Variants in PTCHD4 observed in about 807,000 individuals in gnomAD.
The protein encoded by PTCHD4 is patched domain containing 4, also known as patched domain-containing protein 4.
PTCHD4 carries 33 observed loss-of-function variants against 58.1 expected under a neutral mutation model. That is an observed-to-expected ratio of 0.57 (90% CI 0.43 to 0.76). PTCHD4 has a LOEUF of 0.76. PTCHD4 is among the 30% of genes least tolerant of loss of function. The probability of loss-of-function intolerance (pLI) is 0.00; values close to 1 mark genes in which losing one functional copy is unlikely to be tolerated. For synonymous variants in PTCHD4, 478 were observed against 409.6 expected (o/e 1.17, Z -2.02); for missense variants, 1,058 against 1,027.1 (o/e 1.03, Z -0.41).
chr6:47,914,644 T>G (rs887092240), intron 4 of PTCHD4, among the ~76,000 whole-genome samples: 3 of 149,394 alleles, frequency 2.0e-5, no homozygotes, highest in African/African-American at 7.3e-5. Context: ...TTATTATAAT[T>G]AAAATATATA....
At chr6:47,890,511 C>A (rs576230120) in intron 4 of PTCHD4, among the ~76,000 whole-genome samples, 7 of 152,196 alleles carry the variant, frequency 4.6e-5, no homozygotes, top group African/African-American at 1.7e-4. Context: ...TGAGATGTAC[C>A]TCATGGGATT....
intron 3 of PTCHD4, among the ~76,000 whole-genome samples, chr6:48,050,455 C>A (rs539754300): frequency 1.3e-5 from 2 of 151,942 alleles, no homozygotes; most frequent in Admixed American, 1.3e-4. Context: ...CTGGTCAATG[C>A]TTTAGGAATG....
At position 47,907,248 on chromosome 6, in the gene PTCHD4, C is replaced by G. The variant is rs558663370; in HGVS notation, c.899-27312G>C. Among the ~76,000 whole-genome samples, 85 of 152,214 alleles carry G rather than the reference C, an allele frequency of 5.6e-4. 2 individuals are homozygous for G. The South Asian group carries it at 0.017, about 30-fold the overall frequency. ...AGTAAAATTTCCTGAGATTCTGCAG[C>G]CAAATGGTCTTGGTATTATTTTACA... On this transcript the variant is annotated intron_variant, in intron 4 of 4. Coordinates refer to ENST00000339488, the MANE Select transcript of PTCHD4 (RefSeq NM_001384253.1).
At chr6:47,880,449 A>G (rs984890224) in intron 4 of PTCHD4, among the ~76,000 whole-genome samples, 3 of 152,168 alleles carry the variant, frequency 2.0e-5, no homozygotes, top group Non-Finnish European at 4.4e-5. Flanking sequence ...TGATTTTATA[A>G]TGTTGATAAT....
intron 3 of PTCHD4, among the ~76,000 whole-genome samples, chr6:48,064,199 A>G (rs1429083264): frequency 1.3e-5 from 2 of 152,138 alleles, no homozygotes; most frequent in African/African-American, 4.8e-5. Flanking sequence ...AATCAAACCC[A>G]TATCGAAGGA....
chr6:48,016,575 C>A (rs1479783311), intron 3 of PTCHD4, among the ~76,000 whole-genome samples: 1 of 151,844 alleles, frequency 6.6e-6, no homozygotes, highest in Non-Finnish European at 1.5e-5. Context: ...ATGATGCTAT[C>A]TCACGGCCAT....
Position 47,859,767 on chromosome 6 carries a change from C to G in PTCHD4, c.*18536G>C, listed in dbSNP as rs189677790. On this transcript the variant is annotated 3_prime_UTR_variant, in exon 5 of 5. Coordinates refer to ENST00000339488, the MANE Select transcript of PTCHD4 (RefSeq NM_001384253.1). ...TTCATGAGATTGTCAGGAAAGGCCT[C>G]TCTAATGCATACTTATTTAATATTT... Among the ~76,000 whole-genome samples, 36 of 152,096 alleles carry G rather than the reference C, an allele frequency of 2.4e-4. No individual in the cohort carries two copies. The highest frequency in any genetic ancestry group is 1.0e-3 in the Admixed American group (16 of 15,250).
chr6:47,922,938 A>G (rs1247418287), intron 4 of PTCHD4, among the ~76,000 whole-genome samples: 1 of 152,112 alleles, frequency 6.6e-6, no homozygotes, highest in African/African-American at 2.4e-5. Context: ...TGTTTTTGGT[A>G]GCTTCTACTG....
At chr6:47,936,198 C>T (rs1177176657) in intron 4 of PTCHD4, among the ~76,000 whole-genome samples, 1 of 152,134 alleles carries the variant, frequency 6.6e-6, no homozygotes, top group Non-Finnish European at 1.5e-5. Context: ...AAGATGGTGG[C>T]TTGGACTAGG....
At chr6:47,887,749 G>A (rs1357840150) in intron 4 of PTCHD4, among the ~76,000 whole-genome samples, 1 of 152,144 alleles carries the variant, frequency 6.6e-6, no homozygotes, top group Non-Finnish European at 1.5e-5. Flanking sequence ...GATGATCAGT[G>A]TGTATTTGTA....
chr6:47,920,964 C>A (rs9381631), intron 4 of PTCHD4, among the ~76,000 whole-genome samples: 6 of 152,024 alleles, frequency 3.9e-5, no homozygotes, highest in African/African-American at 1.2e-4. Flanking sequence ...TCATTCCATT[C>A]ACCACACTGT....
chr6:48,026,562 C>T (rs1055358927), intron 3 of PTCHD4, among the ~76,000 whole-genome samples: 5 of 152,090 alleles, frequency 3.3e-5, no homozygotes, highest in Admixed American at 1.3e-4. Context: ...TATTCCTTTG[C>T]CAATTCCTGC....
intron 3 of PTCHD4, among the ~76,000 whole-genome samples, chr6:48,049,213 G>C (rs752518992): frequency 2.6e-5 from 4 of 151,858 alleles, no homozygotes; most frequent in African/African-American, 4.8e-5. Context: ...CTAGCATCTA[G>C]AGGGTGGAGG....
chr6:48,070,056 G>A (rs1319015920), intron 1 of PTCHD4, among the ~76,000 whole-genome samples, 130 bp from the exon 2 acceptor site: 2 of 152,020 alleles, frequency 1.3e-5, no homozygotes, highest in Non-Finnish European at 2.9e-5. Context: ...GCACCCAAAA[G>A]TGTGAAGATG....
chr6:47,893,103 C>T (rs912936474), intron 4 of PTCHD4, among the ~76,000 whole-genome samples: 2 of 152,250 alleles, frequency 1.3e-5, no homozygotes, highest in South Asian at 2.1e-4. Flanking sequence ...CTCTGCCTCC[C>T]GGGTTCAAGC....
At chr6:48,091,246 T>A (rs972194166) in intron 1 of PTCHD4, among the ~76,000 whole-genome samples, 9 of 151,798 alleles carry the variant, frequency 5.9e-5, no homozygotes, top group African/African-American at 2.2e-4. Flanking sequence ...ATTATTGTCA[T>A]TGTTGAGTGG....
chr6:48,011,362 C>T (rs1762665535), intron 3 of PTCHD4, among the ~76,000 whole-genome samples: 1 of 152,094 alleles, frequency 6.6e-6, no homozygotes, highest in South Asian at 2.1e-4. Flanking sequence ...TGTTTATTGG[C>T]CTCATTAAAT....
Position 47,959,892 on chromosome 6 carries a change from GT to G in PTCHD4, c.898+48741del, listed in dbSNP as rs531021980. ...AGAAAAAAAAAAAGATGAAAATATC[GT>G]TCTTTAAATAGGAATGAAGAATACA... On this transcript the variant is annotated intron_variant, in intron 4 of 4. Transcript: ENST00000339488. 2.6e-3 allele frequency among the ~76,000 whole-genome samples: 390 copies of G among 150,676 alleles called. 2 individuals are homozygous for G. Among genetic ancestry groups the G allele is most frequent in the African/African-American group, 9.2e-3 (378 of 41,096 alleles).
chr6:47,954,983 C>G (rs1766797633), intron 4 of PTCHD4, among the ~76,000 whole-genome samples: 1 of 152,174 alleles, frequency 6.6e-6, no homozygotes, highest in African/African-American at 2.4e-5. Flanking sequence ...GCCTCCAACC[C>G]TGGCCAAAGT....
Sources: gnomAD v4.1 joint callset for allele counts (sites outside exome capture counted in the v4.1 genomes callset) on GRCh38, gnomAD v4.1.1 for gene constraint, MANE v1.5 for transcripts, NCBI Gene and HGNC (gene_info 2026-07-23, HGNC 2026-07-21) for gene names.